Variants in IFT81 observed in about 807,000 individuals in gnomAD.
IFT81 encodes the protein intraflagellar transport 81, also known as intraflagellar transport protein 81 homolog.
IFT81 carries 72 observed loss-of-function variants against 102.6 expected under a neutral mutation model. The observed-to-expected ratio is 0.70, with a 90% confidence interval of 0.58 to 0.85. The LOEUF (loss-of-function observed/expected upper bound fraction) is 0.85. Ranked by LOEUF, IFT81 falls within the 40% of genes least tolerant of loss-of-function variation. IFT81 has a pLI of 0.00. For synonymous variants in IFT81, 237 were observed against 242.7 expected, an observed-to-expected ratio of 0.98 and a Z score of 0.22; for missense variants, 723 against 787.3, an observed-to-expected ratio of 0.92 and a Z score of 0.98.
At chr12:110,146,911 G>C in intron 9 of IFT81, 42 bp from the exon 10 acceptor site, 10 of 1,565,738 alleles carry the variant, frequency 6.4e-6, no homozygotes, top group Non-Finnish European at 8.6e-6. Context: ...GTACTTATAG[G>C]GAAAGTTTTA....
chr12:110,143,143 A>G (rs917447859), intron 8 of IFT81, among the ~76,000 whole-genome samples: 38 of 152,312 alleles, frequency 2.5e-4, no homozygotes, highest in East Asian at 1.2e-3. Flanking sequence ...TGAAAGGGTC[A>G]TAATAGCACT....
intron 4 of IFT81, among the ~76,000 whole-genome samples, chr12:110,130,901 C>T (rs922910165): frequency 6.6e-6 from 1 of 152,020 alleles, no homozygotes; most frequent in East Asian, 1.9e-4. Context: ...TACATATTAT[C>T]TTTTGGAATG....
rs201299809 is a variant in IFT81, at chr12:110,169,023, C to CCCTTCCTTCCTTCCTTCCTT, written c.1188+5998_1188+6017dup. ...TTTGTCTTTCTTTCTTTTCCTTCCT[C>CCCTTCCTTCCTTCCTTCCTT]CCTTCCTTCCTTCCTTCCTTCCTTC... On this transcript the variant is annotated intron_variant, in intron 11 of 18. Transcript: ENST00000242591. 121 of 115,412 alleles carry CCCTTCCTTCCTTCCTTCCTT rather than the reference C, an allele frequency of 1.0e-3. 1 individual carries two copies. The highest frequency in any genetic ancestry group is 1.5e-3 in the Non-Finnish European group (85 of 56,000). 7.1% of individuals were successfully genotyped at this position (115,412 alleles called of 1,614,324 possible).
At chr12:110,129,342 G>GAA (rs34929800) in intron 4 of IFT81, among the ~76,000 whole-genome samples, 8 of 139,906 alleles carry the variant, frequency 5.7e-5, no homozygotes, top group African/African-American at 5.3e-5. Context: ...TATGTGAATA[G>GAA]AAAAAAAAAA....
intron 17 of IFT81, among the ~76,000 whole-genome samples, chr12:110,207,663 C>T (rs549875102): frequency 4.7e-5 from 7 of 147,854 alleles, no homozygotes; most frequent in South Asian, 2.2e-4. Flanking sequence ...CCTGGGTTCA[C>T]GCCATTCTCC....
chr12:110,126,253 G>A (rs892915208), intron 1 of IFT81, among the ~76,000 whole-genome samples: 34 of 149,588 alleles, frequency 2.3e-4, no homozygotes, highest in Middle Eastern at 3.4e-3. Context: ...ACTCCAGCCT[G>A]GGCGACAGAG....
intron 13 of IFT81, among the ~76,000 whole-genome samples, chr12:110,191,337 AT>A (rs1897787930): frequency 6.6e-6 from 1 of 151,558 alleles, no homozygotes; most frequent in South Asian, 2.1e-4. Context: ...TGCCCGGCTA[AT>A]TTTTGTATTT....
intron 11 of IFT81, among the ~76,000 whole-genome samples, chr12:110,173,121 G>T (rs1467540724): frequency 6.8e-6 from 1 of 146,466 alleles, no homozygotes; most frequent in Non-Finnish European, 1.5e-5. Flanking sequence ...GAGGTGGGGG[G>T]GTCAGCCCCC....
chr12:110,190,824 T>C (rs1897759886), intron 12 of IFT81, 96 bp from the exon 13 acceptor site: 3 of 1,108,562 alleles, frequency 2.7e-6, no homozygotes, highest in Non-Finnish European at 3.6e-6. Flanking sequence ...ATTAATTCTA[T>C]TTACAATTTT....
chr12:110,188,861 G>A (rs1223405914), intron 12 of IFT81, among the ~76,000 whole-genome samples: 5 of 151,518 alleles, frequency 3.3e-5, no homozygotes, highest in Non-Finnish European at 5.9e-5. Flanking sequence ...CCCGGGAGTC[G>A]GAGGTTGCAG....
At chr12:110,130,384 G>A (rs987397126) in intron 4 of IFT81, among the ~76,000 whole-genome samples, 8 of 129,154 alleles carry the variant, frequency 6.2e-5, no homozygotes, top group Admixed American at 2.6e-4. Flanking sequence ...TTTTTTTTCC[G>A]AGACAGAGTC....
At chr12:110,147,879 C>A (rs1895313133) in intron 10 of IFT81, among the ~76,000 whole-genome samples, 1 of 152,030 alleles carries the variant, frequency 6.6e-6, no homozygotes, top group Non-Finnish European at 1.5e-5. Flanking sequence ...AAGATAAAGG[C>A]TTTTTAACTT....
In IFT81 at chr12:110,218,724, ATG is replaced by A. The variant is rs1311854160; in HGVS notation, c.*500_*501del. 6.6e-6 allele frequency: 1 copy of A among 152,260 alleles called. No individual in the cohort carries two copies. Among genetic ancestry groups the A allele is most frequent in the African/African-American group, 2.4e-5 (1 of 41,476 alleles). The allele number at this position is 152,260 out of a possible 1,614,324, so 9.4% of individuals were successfully genotyped here. A position where few individuals can be genotyped will look rare whatever the true frequency, so the allele number is the denominator to read the frequency against. On this transcript the variant is annotated 3_prime_UTR_variant, in exon 19 of 19. Transcript: ENST00000242591. ...AAGAAAATTTAATATTTTGACTAAC[ATG>A]TCTTTTCTGTTTGTATCATTTAAAG...
rs1180461485 is a variant in IFT81 at position 110,132,776 on chromosome 12, CT to C, written c.519+143del. The C allele has an allele frequency of 7.6e-5, 39 of 510,516 alleles. No homozygotes were observed. The East Asian group carries it at 1.6e-3, about 21-fold the overall frequency. 31.6% of individuals were successfully genotyped at this position (510,516 alleles called of 1,614,324 possible). On this transcript the variant is annotated intron_variant, in intron 5 of 18. Coordinates refer to ENST00000242591, the MANE Select transcript of IFT81 (RefSeq NM_014055.4). ...GGCACATTTTACTTTGTGGGGGGAC[CT>C]TTGGTAGTTCCTTACTGATGAAATT...
intron 4 of IFT81, among the ~76,000 whole-genome samples, chr12:110,131,680 G>A (rs1256476535): frequency 6.6e-6 from 1 of 151,938 alleles, no homozygotes; most frequent in African/African-American, 2.4e-5. Flanking sequence ...CACCTCCATG[G>A]GTTATGCACT....
intron 17 of IFT81, among the ~76,000 whole-genome samples, chr12:110,208,643 G>A (rs1047139556): frequency 2.0e-5 from 3 of 152,014 alleles, no homozygotes; most frequent in African/African-American, 7.3e-5. Flanking sequence ...GCCATAATTT[G>A]CTTAAACATT....
At chr12:110,195,182 T>TCCTCCTTTTTCC (rs1471951756) in intron 14 of IFT81, among the ~76,000 whole-genome samples, 1 of 152,170 alleles carries the variant, frequency 6.6e-6, no homozygotes, top group Non-Finnish European at 1.5e-5. Flanking sequence ...AATCTCCTTC[T>TCCTCCTTTTTCC]CCTCCTTTTT....
chr12:110,138,116 T>C (rs1894623112), intron 8 of IFT81, among the ~76,000 whole-genome samples: 1 of 152,112 alleles, frequency 6.6e-6, no homozygotes, highest in African/African-American at 2.4e-5. Context: ...AAATAGCTGA[T>C]AGAGGGTTAA....
chr12:110,174,771 G>A (rs979797501), intron 11 of IFT81, among the ~76,000 whole-genome samples: 3 of 152,116 alleles, frequency 2.0e-5, no homozygotes, highest in Admixed American at 6.5e-5. Context: ...CTTAAAGGTT[G>A]TAAAACATAC....
Sources: allele counts gnomAD v4.1 joint callset (sites outside exome capture counted in the v4.1 genomes callset), GRCh38; gene constraint gnomAD v4.1.1; transcripts MANE v1.5; gene names NCBI Gene and HGNC (gene_info 2026-07-23, HGNC 2026-07-21).